PIK3C2G: variants seen among roughly 807,000 people sequenced by gnomAD.
The protein encoded by PIK3C2G is phosphatidylinositol 3-kinase C2 domain-containing subunit gamma.
A neutral mutation model predicts 181.1 loss-of-function variants in PIK3C2G; 168 were observed. The observed-to-expected ratio is 0.93, with a 90% CI of 0.82 to 1.05. PIK3C2G has a LOEUF of 1.05. PIK3C2G is among the 50% of genes least tolerant of loss of function. PIK3C2G has a pLI of 0.00. For missense variants in PIK3C2G, 1,869 were observed against 1,732.8 expected (o/e 1.08, Z -1.40); for synonymous variants, 573 against 592.2 (o/e 0.97, Z 0.47).
intron 31 of PIK3C2G, among the ~76,000 whole-genome samples, chr12:18,616,760 T>C (rs1395112871): frequency 5.9e-5 from 9 of 152,058 alleles, no homozygotes. Flanking sequence ...ATAAAGAACT[T>C]TAAAGATTGA....
chr12:18,591,741 T>C (rs1055434684), intron 29 of PIK3C2G, among the ~76,000 whole-genome samples: 2 of 151,890 alleles, frequency 1.3e-5, no homozygotes, highest in African/African-American at 4.8e-5. Context: ...AGCAGTTAAT[T>C]ATTAGATTTT....
At chr12:18,326,295 A>C (rs2137505763) in intron 8 of PIK3C2G, among the ~76,000 whole-genome samples, 1 of 152,296 alleles carries the variant, frequency 6.6e-6, no homozygotes, top group Non-Finnish European at 1.5e-5. Flanking sequence ...CTTCCAGGGA[A>C]GGTTTAGCCT....
At chr12:18,696,038 C>G in the PIK3C2G span, 2 of 610,230 alleles carry the variant, frequency 3.3e-6, no homozygotes. Context: ...CCAAAGCCCC[C>G]GGGCTAAAAA....
intron 31 of PIK3C2G, among the ~76,000 whole-genome samples, chr12:18,620,562 ATAGATAGG>A (rs1431671255): frequency 5.4e-5 from 8 of 149,476 alleles, no homozygotes; most frequent in East Asian, 1.9e-4. Context: ...AGATAGATAG[ATAGATAGG>A]TAACCATACT....
intron 18 of PIK3C2G, among the ~76,000 whole-genome samples, chr12:18,480,919 T>C (rs1185771233): frequency 1.3e-5 from 2 of 151,874 alleles, no homozygotes; most frequent in African/African-American, 4.8e-5. Context: ...CTTGAGTTTT[T>C]TATTTTTTTA....
intron 10 of PIK3C2G, 132 bp downstream of exon 10, chr12:18,343,492 C>A (rs866964040): frequency 2.3e-6 from 1 of 435,548 alleles, no homozygotes; most frequent in Admixed American, 4.5e-5. Flanking sequence ...CACACACACA[C>A]GAGCTTTTTG....
At chr12:18,531,770 A>T (rs1189381264) in intron 24 of PIK3C2G, among the ~76,000 whole-genome samples, 1 of 152,158 alleles carries the variant, frequency 6.6e-6, no homozygotes, top group Non-Finnish European at 1.5e-5. Flanking sequence ...GTATTGTTTA[A>T]CCATTCACCC....
At chr12:18,492,116 G>A (rs550171760) in intron 20 of PIK3C2G, among the ~76,000 whole-genome samples, 35 of 152,180 alleles carry the variant, frequency 2.3e-4, no homozygotes, top group Admixed American at 1.5e-3. Flanking sequence ...TCTGTCATAT[G>A]GTACCTCTTC....
chr12:18,687,235 G>A, the PIK3C2G span, among the ~76,000 whole-genome samples: 3 of 152,138 alleles, frequency 2.0e-5, no homozygotes, highest in Non-Finnish European at 4.4e-5. Flanking sequence ...GAGTGCAAAG[G>A]AGGCAGACTA....
intron 22 of PIK3C2G, among the ~76,000 whole-genome samples, chr12:18,499,881 C>G (rs1941289689): frequency 6.6e-6 from 1 of 152,232 alleles, no homozygotes; most frequent in Non-Finnish European, 1.5e-5. Context: ...GAATCTCAGG[C>G]CGCACGCCTG....
intron 11 of PIK3C2G, 65 bp from the exon 12 acceptor site, chr12:18,362,699 A>G (rs1273992056): frequency 1.7e-6 from 2 of 1,149,958 alleles, no homozygotes; most frequent in Non-Finnish European, 2.4e-6. Context: ...AAAATAATTG[A>G]CCCATATAGA....
At chr12:18,277,680 G>C (rs947206484) in intron 1 of PIK3C2G, among the ~76,000 whole-genome samples, 2 of 152,062 alleles carry the variant, frequency 1.3e-5, no homozygotes, top group Non-Finnish European at 2.9e-5. Context: ...TCTCAGAAAG[G>C]TTCCTTTTTT....
rs183025183 is a variant in PIK3C2G, at chr12:18,500,660, A to T, written c.3017-2621A>T. Among the ~76,000 whole-genome samples, 42 of 152,258 alleles carry T rather than the reference A, an allele frequency of 2.8e-4. No individual in the cohort carries two copies. The East Asian group carries it at 5.4e-3, about 20-fold the overall frequency. ...CCTCTACCTCAGGGATTGTAAATGC[A>T]CCAATCAGCGCCGTGTCAAAACAGA... On this transcript the variant is annotated intron_variant, in intron 22 of 32. Coordinates refer to ENST00000538779, the MANE Select transcript of PIK3C2G (RefSeq NM_001288772.2).
At chr12:18,424,942 C>A in intron 18 of PIK3C2G, 1 of 205,174 alleles carries the variant, frequency 4.9e-6, no homozygotes, top group South Asian at 9.5e-5. Flanking sequence ...GTCCAACGTT[C>A]AGGGTGTCTA....
the PIK3C2G span, among the ~76,000 whole-genome samples, chr12:18,710,280 TC>T: frequency 1.3e-5 from 2 of 151,228 alleles, no homozygotes; most frequent in East Asian, 3.9e-4. Context: ...AATTCATTTT[TC>T]CACTCTGAAT....
At chr12:18,457,415 T>C (rs1269637809) in intron 18 of PIK3C2G, among the ~76,000 whole-genome samples, 3 of 152,198 alleles carry the variant, frequency 2.0e-5, no homozygotes, top group Non-Finnish European at 2.9e-5. Context: ...GAAAATTATA[T>C]TGTCTTGTAG....
At chr12:18,259,213 A>C (rs1439794581), upstream of PIK3C2G, among the ~76,000 whole-genome samples, 1 of 152,132 alleles carries the variant, frequency 6.6e-6, no homozygotes, top group Non-Finnish European at 1.5e-5. Flanking sequence ...CTAAGTACCC[A>C]GTAGATACTC....
intron 11 of PIK3C2G, among the ~76,000 whole-genome samples, chr12:18,355,294 C>A (rs764100193): frequency 6.6e-6 from 1 of 152,212 alleles, no homozygotes; most frequent in Non-Finnish European, 1.5e-5. Context: ...GCCAGCAGGG[C>A]TCACTCTTCT....
chr12:18,474,821 A>G (rs769999584), intron 18 of PIK3C2G, among the ~76,000 whole-genome samples: 1 of 152,148 alleles, frequency 6.6e-6, no homozygotes, highest in Non-Finnish European at 1.5e-5. Flanking sequence ...ATTCTGGTTG[A>G]GTTAATGCCA....
Sources: allele counts gnomAD v4.1 joint callset (sites outside exome capture counted in the v4.1 genomes callset), GRCh38; gene constraint gnomAD v4.1.1; transcripts MANE v1.5; gene names NCBI Gene and HGNC (gene_info 2026-07-23, HGNC 2026-07-21).